The following RSL24D1 variants were observed in gnomAD, a reference collection of about 807,000 sequenced individuals.
The protein encoded by RSL24D1 is ribosomal L24 domain containing 1, also known as probable ribosome biogenesis protein RLP24.
In RSL24D1, 6 loss-of-function variants were observed where a neutral mutation model predicts 26.2. The ratio of observed to expected loss-of-function variants is 0.23; its 90% CI spans 0.13 to 0.45. The LOEUF is 0.45. Among genes scored for constraint, RSL24D1 ranks in the 20% least tolerant of loss-of-function variants. The probability of loss-of-function intolerance (pLI) is 0.99; values close to 1 mark genes in which losing one functional copy is unlikely to be tolerated. For missense variants in RSL24D1, 176 were observed against 202.6 expected (o/e 0.87, Z 0.80); for synonymous variants, 61 against 59.1 (o/e 1.03, Z -0.15).
At chr15:55,194,252 A>C (rs1894330377) in intron 1 of RSL24D1, 1 of 152,248 alleles carries the variant, frequency 6.6e-6, no homozygotes, top group Non-Finnish European at 1.5e-5. Flanking sequence ...CTGATGTTGT[A>C]CTAGTGCTAA....
intron 4 of RSL24D1, among the ~76,000 whole-genome samples, chr15:55,184,659 T>A (rs1894204848): frequency 6.6e-6 from 1 of 152,168 alleles, no homozygotes; most frequent in South Asian, 2.1e-4. Context: ...ACGTACTGAT[T>A]ATAAGGAAAA....
Position 55,196,899 on chromosome 15 carries a change from C to G in RSL24D1, c.-9G>C, listed in dbSNP as rs1170289498. 10 of 1,613,770 alleles carry G rather than the reference C, an allele frequency of 6.2e-6. No homozygotes were observed. The Admixed American group carries it at 6.7e-5, about 11-fold the overall frequency. On this transcript the variant is annotated 5_prime_UTR_variant, in exon 1 of 6. Coordinates refer to ENST00000260443, the MANE Select transcript of RSL24D1 (RefSeq NM_016304.3). Reference sequence around the variant, plus strand: ...CACTTTTCGATACGCATGTTGAACCCGCGTGTAACCCCACCAAACAAACGC... The same window carrying G: ...CACTTTTCGATACGCATGTTGAACCGGCGTGTAACCCCACCAAACAAACGC...
Position 55,185,518 on chromosome 15 carries a change from T to C in RSL24D1, c.269-93A>G, listed in dbSNP as rs549899409. The C allele has an allele frequency of 3.6e-5, 31 of 867,178 alleles. No homozygotes were observed. The African/African-American group carries it at 5.1e-4, about 14-fold the overall frequency. 53.7% of individuals were successfully genotyped at this position (867,178 alleles called of 1,614,324 possible). A position where few individuals can be genotyped will look rare whatever the true frequency, so the allele number is the denominator to read the frequency against. On this transcript the variant is annotated intron_variant, in intron 3 of 5. Coordinates refer to ENST00000260443, the MANE Select transcript of RSL24D1 (RefSeq NM_016304.3). ...CAAACACTTCTTTATTATTCTGATT[T>C]AGAAATGAATTTACATGAAAAAAAT...
At chr15:55,195,740 C>A (rs1274759441) in intron 1 of RSL24D1, 1 of 152,350 alleles carries the variant, frequency 6.6e-6, no homozygotes, top group Non-Finnish European at 1.5e-5. Context: ...CTTCTAGGTT[C>A]TTTTACGTTA....
chr15:55,183,746 CAACTCA>C (rs1229995498), intron 4 of RSL24D1, among the ~76,000 whole-genome samples: 2 of 152,166 alleles, frequency 1.3e-5, no homozygotes, highest in African/African-American at 2.4e-5. Flanking sequence ...TCTTCTCTAA[CAACTCA>C]AACTCAAAGT....
Position 55,185,364 on chromosome 15 carries a change from G to A in RSL24D1, c.330C>T (p.Asn110=), listed in dbSNP as rs746065826. ...TTACTCCATACAAATATTCATACCT[G>A]TTCATTATAAATTTAGCTTGGCGCT... ...KQKRQAKFIM[N]RLKKNKELQK... is the part of the protein sequence containing the mutation. The change falls in exon 4 of 6, where the codon AAC becomes AAT. Residue 110 remains asparagine (N), a splice_region_variant and synonymous_variant. Transcript: ENST00000260443. 1.2e-6 allele frequency: 2 copies of A among 1,604,640 alleles called. No individual in the cohort carries two copies. Among genetic ancestry groups the A allele is most frequent in the Admixed American group, 1.7e-5 (1 of 58,438 alleles).
At position 55,182,183 on chromosome 15, in the gene RSL24D1, T is replaced by C; in HGVS notation, c.461A>G (p.Gln154Arg). 6.2e-7 allele frequency: 1 copy of C among 1,609,190 alleles called. No individual in the cohort carries two copies. The highest frequency in any genetic ancestry group is 8.5e-7 in the Non-Finnish European group (1 of 1,175,962). ...QLEEKMVQQL[Q>R]EDVDMEDAP Reference sequence around the variant, plus strand: ...AGCATCTTCCATGTCCACATCCTCTTGTAACTGCTGTACCATTTTCTCTTC... The same window carrying C: ...AGCATCTTCCATGTCCACATCCTCTCGTAACTGCTGTACCATTTTCTCTTC... Residue 154 changes from glutamine to arginine, a missense_variant, in exon 6 of 6, where the codon CAA becomes CGA. This residue lies in a region of RSL24D1 where 43 missense variants were observed against 38.7 expected (regional missense o/e 1.11). Coordinates refer to ENST00000260443, the MANE Select transcript of RSL24D1 (RefSeq NM_016304.3).
At chr15:55,196,705 A>G in intron 1 of RSL24D1, 105 bp downstream of exon 1, 1 of 1,073,022 alleles carries the variant, frequency 9.3e-7, no homozygotes, top group Non-Finnish European at 1.4e-6. Flanking sequence ...CAACGGGAGG[A>G]ACCCGGGCCA....
chr15:55,183,282 C>A, intron 5 of RSL24D1, 33 bp downstream of exon 5: 1 of 1,551,432 alleles, frequency 6.4e-7, no homozygotes, highest in Non-Finnish European at 8.8e-7. Context: ...ATACACAGAC[C>A]ACAAAAATCT....
rs886081173 is a variant in RSL24D1 at position 55,196,934 on chromosome 15, G to A, written c.-44C>T. On this transcript the variant is annotated 5_prime_UTR_variant, in exon 1 of 6. Transcript: ENST00000260443. ...CCCACCAAACAAACGCCAAGCTTGA[G>A]AGGAAGTGATGCAACCCCGTCACCG... is the stretch of plus-strand genomic sequence containing the variant. 2 of 1,594,620 alleles carry A rather than the reference G, an allele frequency of 1.3e-6. No individual in the cohort carries two copies. The highest frequency in any genetic ancestry group is 1.7e-5 in the Admixed American group (1 of 59,870).
chr15:55,189,739 C>T (rs184079217), intron 3 of RSL24D1, among the ~76,000 whole-genome samples: 1 of 152,248 alleles, frequency 6.6e-6, no homozygotes. Context: ...GGTATAAATA[C>T]TACCACAAAG....
chr15:55,190,639 T>C (rs1894286572), intron 3 of RSL24D1, among the ~76,000 whole-genome samples: 1 of 152,194 alleles, frequency 6.6e-6, no homozygotes, highest in Non-Finnish European at 1.5e-5. Flanking sequence ...TTAGGTTTCA[T>C]GTGTATTTTA....
At position 55,191,011 on chromosome 15, in the gene RSL24D1, G is replaced by T; in HGVS notation, c.232C>A (p.Pro78Thr). The T allele has an allele frequency of 6.2e-7, 1 of 1,603,378 alleles. No individual in the cohort carries two copies. Among genetic ancestry groups the T allele is most frequent in the Non-Finnish European group, 8.5e-7 (1 of 1,176,264 alleles). The change falls in exon 3 of 6, where the codon CCT becomes ACT. Residue 78 changes from proline to threonine, a missense_variant. Coordinates refer to ENST00000260443, the MANE Select transcript of RSL24D1 (RefSeq NM_016304.3). ...CATAGCTCTCGCTGGTATTTGATAG[G>T]TTCATTTCTACGTTTTTCAAATTCA... ...SFEFEKRRNE[P>T]IKYQRELWNK...
chr15:55,189,586 C>T (rs1894269893), intron 3 of RSL24D1, among the ~76,000 whole-genome samples: 4 of 152,122 alleles, frequency 2.6e-5, no homozygotes, highest in African/African-American at 7.2e-5. Context: ...TTTCTTAAAA[C>T]ATAAAGAGAT....
chr15:55,192,877 T>G (rs774366580), intron 1 of RSL24D1, 44 bp from the exon 2 acceptor site: 1 of 1,349,390 alleles, frequency 7.4e-7, no homozygotes, highest in African/African-American at 1.4e-5. Context: ...ATTAAAAACT[T>G]TTCTATCACA....
intron 2 of RSL24D1, 133 bp from the exon 3 acceptor site, chr15:55,191,180 G>C: frequency 1.6e-6 from 1 of 615,698 alleles, no homozygotes; most frequent in South Asian, 2.2e-5. Flanking sequence ...GGGTATCTCA[G>C]AGAATATAGG....
chr15:55,194,655 T>C (rs1894334936), intron 1 of RSL24D1, among the ~76,000 whole-genome samples: 1 of 152,138 alleles, frequency 6.6e-6, no homozygotes, highest in Non-Finnish European at 1.5e-5. Flanking sequence ...TGTGCAAATA[T>C]AGAGAATTAG....
At chr15:55,191,964 C>A (rs2140596322) in intron 2 of RSL24D1, among the ~76,000 whole-genome samples, 1 of 152,276 alleles carries the variant, frequency 6.6e-6, no homozygotes, top group African/African-American at 2.4e-5. Context: ...TATGATTTGG[C>A]CTTGCATCTG....
chr15:55,184,492 G>A lies in RSL24D1; in HGVS notation c.332+870C>T, dbSNP rs555394452. Reference sequence around the variant, plus strand: ...ATGAGAAAATCAACTAAAAAATGTAGAAGAAATGATGGAATTAGAAAAACC... The same window carrying A: ...ATGAGAAAATCAACTAAAAAATGTAAAAGAAATGATGGAATTAGAAAAACC... On this transcript the variant is annotated intron_variant, in intron 4 of 5. Coordinates refer to ENST00000260443, the MANE Select transcript of RSL24D1 (RefSeq NM_016304.3). 1.6e-4 allele frequency among the ~76,000 whole-genome samples: 24 copies of A among 152,224 alleles called. No homozygotes were observed. The East Asian group carries it at 1.9e-3, about 12-fold the overall frequency.
Sources: gnomAD v4.1 joint callset for allele counts (sites outside exome capture counted in the v4.1 genomes callset) on GRCh38, gnomAD v4.1.1 for gene constraint, gnomAD v4.1.1 regional missense constraint, MANE v1.5 for transcripts, NCBI Gene and HGNC (gene_info 2026-07-23, HGNC 2026-07-21) for gene names.